The following RPGRIP1 variants were observed in gnomAD, a reference collection of about 807,000 sequenced individuals.
The protein encoded by RPGRIP1 is X-linked retinitis pigmentosa GTPase regulator-interacting protein 1.
A neutral mutation model predicts 157.9 loss-of-function variants in RPGRIP1; 128 were observed. The observed-to-expected ratio is 0.81, with a 90% CI of 0.70 to 0.94. RPGRIP1 has a LOEUF of 0.94. Among genes scored for constraint, RPGRIP1 ranks in the 40% least tolerant of loss-of-function variants. The probability of loss-of-function intolerance (pLI) is 0.00; values close to 1 mark genes in which losing one functional copy is unlikely to be tolerated. For missense variants in RPGRIP1, 1,486 were observed against 1,545.8 expected (o/e 0.96, Z 0.65); for synonymous variants, 554 against 571.6 (o/e 0.97, Z 0.44).
intron 7 of RPGRIP1, among the ~76,000 whole-genome samples, chr14:21,309,092 C>A (rs1030773457): frequency 6.6e-5 from 10 of 152,212 alleles, no homozygotes; most frequent in African/African-American, 2.4e-4. Flanking sequence ...AGAGCCAGGG[C>A]TTTCCTGCTA....
chr14:21,289,093 C>T (rs1282080107), intron 2 of RPGRIP1, among the ~76,000 whole-genome samples: 3 of 151,936 alleles, frequency 2.0e-5, no homozygotes, highest in Admixed American at 6.6e-5. Context: ...TTTGGGAGGC[C>T]GAGACGGGCA....
At chr14:21,306,392 C>T (rs1232734041) in intron 6 of RPGRIP1, among the ~76,000 whole-genome samples, 1 of 151,604 alleles carries the variant, frequency 6.6e-6, no homozygotes. Flanking sequence ...CTCGACCTCC[C>T]AAAGTGCTGG....
At chr14:21,349,995 G>GAC (rs1367050913) in intron 24 of RPGRIP1, among the ~76,000 whole-genome samples, 2 of 152,098 alleles carry the variant, frequency 1.3e-5, no homozygotes, top group Non-Finnish European at 2.9e-5. Context: ...CAAACTTCCA[G>GAC]ACACACACCC....
At chr14:21,292,617 G>A (rs944255080) in intron 2 of RPGRIP1, among the ~76,000 whole-genome samples, 8 of 152,042 alleles carry the variant, frequency 5.3e-5, no homozygotes, top group African/African-American at 9.7e-5. Flanking sequence ...TGAGGCAGGC[G>A]GATCACCTGA....
chr14:21,316,332 G>A (rs1035921429), intron 10 of RPGRIP1, among the ~76,000 whole-genome samples: 2 of 151,938 alleles, frequency 1.3e-5, no homozygotes, highest in East Asian at 1.9e-4. Context: ...GGCTGGCCTC[G>A]AACCCCTGAC....
At chr14:21,322,963 C>T (rs12883358) in intron 14 of RPGRIP1, among the ~76,000 whole-genome samples, 51,882 of 151,988 alleles carry the variant, frequency 0.34, 9,329 homozygotes, top group East Asian at 0.43. Flanking sequence ...ATCTGACTCA[C>T]GAAAACCAAA....
At chr14:21,350,730 C>T (rs771604853) in intron 24 of RPGRIP1, among the ~76,000 whole-genome samples, 20 of 152,138 alleles carry the variant, frequency 1.3e-4, no homozygotes, top group Non-Finnish European at 2.4e-4. Flanking sequence ...AGGCAAGTGA[C>T]GTTATCTTTG....
At chr14:21,345,241 CAG>C in intron 23 of RPGRIP1, 44 bp downstream of exon 23, 1 of 1,432,320 alleles carries the variant, frequency 7.0e-7, no homozygotes, top group African/African-American at 1.4e-5. Context: ...GATATTGAGA[CAG>C]AAATTCAAAA....
At chr14:21,310,307 T>C (rs956338550) in intron 7 of RPGRIP1, among the ~76,000 whole-genome samples, 3 of 152,184 alleles carry the variant, frequency 2.0e-5, no homozygotes, top group Non-Finnish European at 4.4e-5. Context: ...TAATTTAAGA[T>C]TAAACATTTT....
At chr14:21,284,626 C>T (rs373417817) in intron 1 of RPGRIP1, among the ~76,000 whole-genome samples, 3 of 145,238 alleles carry the variant, frequency 2.1e-5, no homozygotes, top group Admixed American at 7.2e-5. Context: ...CTCACTGCAT[C>T]CTCCGCCTCC....
At chr14:21,348,944 A>G (rs981552527) in intron 24 of RPGRIP1, among the ~76,000 whole-genome samples, 1 of 151,974 alleles carries the variant, frequency 6.6e-6, no homozygotes, top group African/African-American at 2.4e-5. Flanking sequence ...TGCAGGTGTG[A>G]GCCACTGCAC....
At chr14:21,343,465 A>AC (rs1227802921) in intron 22 of RPGRIP1, among the ~76,000 whole-genome samples, 2 of 151,984 alleles carry the variant, frequency 1.3e-5, no homozygotes, top group African/African-American at 4.8e-5. Flanking sequence ...CCCTTCCTCA[A>AC]TCCACGGCTT....
At position 21,302,591 on chromosome 14, in the gene RPGRIP1, T is replaced by A; in HGVS notation, c.587+7T>A. On this transcript the variant is annotated splice_region_variant and intron_variant, in intron 5 of 24. Coordinates refer to ENST00000400017, the MANE Select transcript of RPGRIP1 (RefSeq NM_020366.4). The stretch of plus-strand genomic sequence containing the variant: ...CCAGTAAACCCAGTGAACTGTGAGT[T>A]CTTCTCATTTATCCCATGTTGTTAT... 6.7e-7 allele frequency: 1 copy of A among 1,500,548 alleles called. No homozygotes were observed. Among genetic ancestry groups the A allele is most frequent in the African/African-American group, 1.4e-5 (1 of 72,722 alleles). 93.0% of individuals were successfully genotyped at this position (1,500,548 alleles called of 1,614,324 possible).
chr14:21,312,767 C>A (rs1231584803), intron 10 of RPGRIP1, among the ~76,000 whole-genome samples: 1 of 151,674 alleles, frequency 6.6e-6, no homozygotes, highest in Admixed American at 6.6e-5. Flanking sequence ...TGGCTCACTG[C>A]AACCTCTACC....
At chr14:21,333,413 T>G (rs1883991814) in intron 20 of RPGRIP1, among the ~76,000 whole-genome samples, 1 of 152,178 alleles carries the variant, frequency 6.6e-6, no homozygotes, top group African/African-American at 2.4e-5. Flanking sequence ...CCCAAGACTT[T>G]GAAATTTTAC....
intron 11 of RPGRIP1, among the ~76,000 whole-genome samples, chr14:21,319,279 C>T (rs373736502): frequency 1.3e-5 from 2 of 152,118 alleles, no homozygotes; most frequent in African/African-American, 4.8e-5. Flanking sequence ...AACACACACA[C>T]AGCCTGGTGT....
intron 20 of RPGRIP1, among the ~76,000 whole-genome samples, chr14:21,331,313 G>A (rs1473294847): frequency 1.3e-5 from 2 of 151,472 alleles, no homozygotes; most frequent in East Asian, 4.0e-4. Context: ...ACCTGAGGTC[G>A]GGAGTTTGAG....
rs199840691 is a variant in RPGRIP1, at chr14:21,302,490, C to G, written c.493C>G (p.Pro165Ala). The G allele has an allele frequency of 2.6e-6, 4 of 1,542,214 alleles. No individual in the cohort carries two copies. In the African/African-American group the frequency reaches 5.4e-5, roughly 21 times the overall value. Residue 165 changes from proline (P) to alanine (A), a missense_variant and splice_region_variant, in exon 5 of 25, where the codon CCA becomes GCA. Pro to Ala is a conservative substitution (Grantham distance 27). Transcript: ENST00000400017. ...GCATCTTCTGTCTAAACTTTTAGGG[C>G]CAAGGGACAGGCTGAGCTACACAGC... ...APVPEKPKRG[P>A]RDRLSYTAPP...
At chr14:21,296,653 T>C (rs562304656) in intron 3 of RPGRIP1, among the ~76,000 whole-genome samples, 2 of 148,048 alleles carry the variant, frequency 1.4e-5, no homozygotes, top group South Asian at 4.3e-4. Flanking sequence ...GCCCAGTTAA[T>C]TTATTAGAAA....
Sources: allele counts gnomAD v4.1 joint callset (sites outside exome capture counted in the v4.1 genomes callset), GRCh38; gene constraint gnomAD v4.1.1; transcripts MANE v1.5; gene names NCBI Gene and HGNC (gene_info 2026-07-23, HGNC 2026-07-21).